Variants in ATF7 observed in about 807,000 individuals in gnomAD.
ATF7 encodes cyclic AMP-dependent transcription factor ATF-7.
Under a neutral mutation model 50.4 loss-of-function variants are expected in ATF7, and 10 were observed. The observed-to-expected ratio is 0.20, with a 90% CI of 0.12 to 0.34. The LOEUF (loss-of-function observed/expected upper bound fraction) is 0.34. ATF7 is among the 10% of genes least tolerant of loss of function. ATF7 has a pLI of 1.00. For synonymous variants in ATF7, 201 were observed against 226.4 expected, an observed-to-expected ratio of 0.89 and a Z score of 1.01; for missense variants, 465 against 613.9, an observed-to-expected ratio of 0.76 and a Z score of 2.56.
chr12:53,533,629 A>G (rs749856283), intron 6 of ATF7, among the ~76,000 whole-genome samples: 39 of 152,276 alleles, frequency 2.6e-4, no homozygotes, highest in Non-Finnish European at 5.6e-4. Flanking sequence ...CCAAATCTGA[A>G]TGTTTCTCTT....
At chr12:53,530,738 G>A (rs1233205174) in intron 9 of ATF7, among the ~76,000 whole-genome samples, 1 of 152,062 alleles carries the variant, frequency 6.6e-6, no homozygotes, top group Non-Finnish European at 1.5e-5. Flanking sequence ...CTCCTGAGTA[G>A]CTGGGATTAC....
At chr12:53,523,212 T>C in intron 11 of ATF7, 64 bp downstream of exon 11, 2 of 1,190,788 alleles carry the variant, frequency 1.7e-6, no homozygotes, top group Non-Finnish European at 2.5e-6. Flanking sequence ...TTATAAGCAG[T>C]TGAGACACTC....
In ATF7 at chr12:53,534,255, C is replaced by T. The variant is rs182964385; in HGVS notation, c.560+247G>A. Among the ~76,000 whole-genome samples, 11 of 151,900 alleles carry T rather than the reference C, an allele frequency of 7.2e-5. No individual in the cohort carries two copies. In the East Asian group the frequency reaches 1.2e-3, roughly 16 times the overall value. ...TTGCACCACTGCACTCCAGCCTGGG[C>T]GACAGAGCGAGCCTCTATCTCAAAA... On this transcript the variant is annotated intron_variant, in intron 6 of 11. Transcript: ENST00000420353.
At chr12:53,571,531 G>C (rs1941760422) in intron 2 of ATF7, among the ~76,000 whole-genome samples, 1 of 151,794 alleles carries the variant, frequency 6.6e-6, no homozygotes, top group Non-Finnish European at 1.5e-5. Context: ...GCCAGGCACA[G>C]TGGTGTGCAC....
intron 2 of ATF7, among the ~76,000 whole-genome samples, chr12:53,568,872 G>T (rs1941596384): frequency 1.3e-5 from 2 of 152,188 alleles, no homozygotes; most frequent in South Asian, 4.1e-4. Context: ...GGCAAAGAAT[G>T]AAATTGCAGC....
intron 1 of ATF7, among the ~76,000 whole-genome samples, chr12:53,616,824 A>G (rs1278388742): frequency 6.6e-6 from 1 of 151,740 alleles, no homozygotes; most frequent in East Asian, 2.0e-4. Flanking sequence ...GTGTGCCTGT[A>G]ATCCCAGCTA....
In ATF7 at chr12:53,534,543, G is replaced by A. The variant is rs749900878; in HGVS notation, c.519C>T (p.Thr173=). 6 of 1,613,898 alleles carry A rather than the reference G, an allele frequency of 3.7e-6. No individual in the cohort carries two copies. Among genetic ancestry groups the A allele is most frequent in the South Asian group, 2.2e-5 (2 of 91,074 alleles). Residue 173 remains threonine, a synonymous_variant, in exon 6 of 12, where the codon ACC becomes ACT. Coordinates refer to ENST00000420353, the MANE Select transcript of ATF7 (RefSeq NM_006856.3). ...ATGGTGGAGCCTGTGTGATGACAGA[G>A]GTTGGGGAGGGAAGGGTTGGATGAA... ...DPLHPTLPSP[T]SVITQAPPSN...
In ATF7 at chr12:53,527,986, C is replaced by T. The variant is rs375648919; in HGVS notation, c.928-3225G>A. Reference sequence around the variant, plus strand: ...TCTCCTGAGTAGCTGGGACTACAGGCGCCTGCCACCATGCCTGGCTAATTT... The same window carrying T: ...TCTCCTGAGTAGCTGGGACTACAGGTGCCTGCCACCATGCCTGGCTAATTT... On this transcript the variant is annotated intron_variant, in intron 9 of 11. Transcript: ENST00000420353. Among the ~76,000 whole-genome samples the T allele has an allele frequency of 8.9e-4, 135 of 151,712 alleles. 4 individuals are homozygous for T. The South Asian group carries it at 0.027, about 31-fold the overall frequency.
At chr12:53,556,644 T>C (rs1940775775) in intron 2 of ATF7, among the ~76,000 whole-genome samples, 1 of 152,194 alleles carries the variant, frequency 6.6e-6, no homozygotes, top group South Asian at 2.1e-4. Flanking sequence ...CTGGCTATGT[T>C]TTACATAGTC....
intron 3 of ATF7, among the ~76,000 whole-genome samples, chr12:53,546,800 C>T (rs1939950624): frequency 6.6e-6 from 1 of 151,682 alleles, no homozygotes; most frequent in Admixed American, 6.6e-5. Context: ...CTTTGCCACC[C>T]AGGCGGGAGA....
At chr12:53,586,070 A>C (rs1379145611) in intron 2 of ATF7, among the ~76,000 whole-genome samples, 2 of 152,230 alleles carry the variant, frequency 1.3e-5, no homozygotes, top group Non-Finnish European at 2.9e-5. Context: ...GTCTAGTTAT[A>C]GTTTCAAATG....
intron 5 of ATF7, among the ~76,000 whole-genome samples, chr12:53,537,073 A>G (rs1263534736): frequency 6.6e-6 from 1 of 151,846 alleles, no homozygotes; most frequent in Non-Finnish European, 1.5e-5. Flanking sequence ...CCTATAATAC[A>G]TACTTTTTTT....
chr12:53,609,341 AC>A (rs959716957), intron 1 of ATF7, among the ~76,000 whole-genome samples: 1 of 151,566 alleles, frequency 6.6e-6, no homozygotes. Flanking sequence ...TTTAGTAGAG[AC>A]GGGGTTTCTC....
At chr12:53,535,953 C>T (rs1265007694) in intron 5 of ATF7, among the ~76,000 whole-genome samples, 3 of 150,956 alleles carry the variant, frequency 2.0e-5, no homozygotes, top group East Asian at 3.9e-4. Context: ...GGGAGGCAGA[C>T]GTTGCAGTGA....
At chr12:53,562,907 G>A (rs563860357) in intron 2 of ATF7, among the ~76,000 whole-genome samples, 3 of 152,278 alleles carry the variant, frequency 2.0e-5, no homozygotes, top group Admixed American at 2.0e-4. Context: ...TGACTCTTGG[G>A]GGTGGGGTGG....
At chr12:53,542,267 TA>T (rs1272320832) in intron 4 of ATF7, among the ~76,000 whole-genome samples, 13 of 148,134 alleles carry the variant, frequency 8.8e-5, no homozygotes, top group African/African-American at 7.4e-5. Flanking sequence ...CTACTAAACA[TA>T]AAAAAAAAAT....
At chr12:53,525,585 A>G (rs987472252) in intron 9 of ATF7, among the ~76,000 whole-genome samples, 1 of 152,340 alleles carries the variant, frequency 6.6e-6, no homozygotes, top group South Asian at 2.1e-4. Flanking sequence ...GGAGATATAG[A>G]TAAGTGTATT....
intron 2 of ATF7, among the ~76,000 whole-genome samples, chr12:53,591,797 G>A (rs1179205751): frequency 2.0e-5 from 3 of 152,146 alleles, no homozygotes; most frequent in Admixed American, 6.6e-5. Context: ...GATAAGCAGC[G>A]GTGCAACTCT....
intron 9 of ATF7, among the ~76,000 whole-genome samples, chr12:53,529,233 C>G (rs1402702091): frequency 1.3e-5 from 2 of 152,120 alleles, no homozygotes; most frequent in African/African-American, 2.4e-5. Flanking sequence ...GAGTTTCACT[C>G]TTGTTGCCCA....
Sources: allele counts gnomAD v4.1 joint callset (sites outside exome capture counted in the v4.1 genomes callset), GRCh38; gene constraint gnomAD v4.1.1; transcripts MANE v1.5; gene names NCBI Gene and HGNC (gene_info 2026-07-23, HGNC 2026-07-21).